MYT1: variants seen among roughly 807,000 people sequenced by gnomAD.
MYT1 encodes the protein myelin transcription factor 1.
MYT1 carries 23 observed loss-of-function variants against 123.0 expected under a neutral mutation model. That is an observed-to-expected ratio of 0.19 (90% CI 0.13 to 0.26). The LOEUF is 0.26. Among genes scored for constraint, MYT1 ranks in the 10% least tolerant of loss-of-function variants. MYT1 has a pLI of 1.00. For synonymous variants in MYT1, 518 were observed against 575.3 expected (o/e 0.90, Z 1.43); for missense variants, 1,125 against 1,472.5 (o/e 0.76, Z 3.86).
chr20:64,194,484 G>GCTCCTGCTGGGGCCAGGACACC (rs1423103619), intron 2 of MYT1, among the ~76,000 whole-genome samples: 5 of 152,370 alleles, frequency 3.3e-5, no homozygotes, highest in Admixed American at 3.3e-4. Flanking sequence ...GGCCAGAACA[G>GCTCCTGCTGGGGCCAGGACACC]CTCCTGCTGG....
Position 64,217,123 on chromosome 20 carries a change from A to G in MYT1, c.1688A>G (p.Asn563Ser), listed in dbSNP as rs760242240. The change falls in exon 11 of 23, where the codon AAC becomes AGC. Residue 563 changes from asparagine (N) to serine (S), a missense_variant. This residue lies in a region of MYT1 where 429 missense variants were observed against 604.1 expected (regional missense o/e 0.71). Coordinates refer to ENST00000328439, the MANE Select transcript of MYT1 (RefSeq NM_004535.3). ...EVPPYGSYRP[N>S]VAPATPRANL... Reference sequence around the variant, plus strand: ...CCTCCATATGGGAGCTACCGGCCCAACGTGGCCCCCGCCACACCCAGGGCC... The same window carrying G: ...CCTCCATATGGGAGCTACCGGCCCAGCGTGGCCCCCGCCACACCCAGGGCC... 12 of 1,614,064 alleles carry G rather than the reference A, an allele frequency of 7.4e-6. No homozygotes were observed. Among genetic ancestry groups the G allele is most frequent in the African/African-American group, 1.3e-5 (1 of 75,052 alleles).
chr20:64,204,847 C>T (rs988192517), intron 4 of MYT1, among the ~76,000 whole-genome samples, 188 bp from the exon 5 acceptor site: 2 of 152,218 alleles, frequency 1.3e-5, no homozygotes, highest in Non-Finnish European at 2.9e-5. Context: ...TAATTGAACA[C>T]TCGTAAAACT....
intron 1 of MYT1, among the ~76,000 whole-genome samples, chr20:64,165,253 T>C (rs1295414593): frequency 2.6e-5 from 4 of 152,054 alleles, no homozygotes; most frequent in African/African-American, 7.2e-5. Flanking sequence ...TTTGTCTGCA[T>C]GTCATGCATT....
chr20:64,228,223 T>G (rs1487920238), intron 18 of MYT1: 7 of 523,392 alleles, frequency 1.3e-5, no homozygotes, highest in Non-Finnish European at 2.0e-5. Flanking sequence ...TTTTCAGGTC[T>G]GGAGTATTTG....
Position 64,218,685 on chromosome 20 carries a change from G to A in MYT1, c.1847-226G>A, listed in dbSNP as rs556888245. 2.0e-5 allele frequency: 12 copies of A among 605,024 alleles called. No homozygotes were observed. Among genetic ancestry groups the A allele is most frequent in the Admixed American group, 2.0e-4 (7 of 35,294 alleles). The allele number at this position is 605,024 out of a possible 1,614,324, so 37.5% of individuals were successfully genotyped here. A position where few individuals can be genotyped will look rare whatever the true frequency, so the allele number is the denominator to read the frequency against. ...GTGTGTGAGGACTTGGGACTGGGAC[G>A]GGTGGCCAAGCCCCTGGCCCACTTC... is the stretch of plus-strand genomic sequence containing the variant. On this transcript the variant is annotated intron_variant, in intron 11 of 22. Coordinates refer to ENST00000328439, the MANE Select transcript of MYT1 (RefSeq NM_004535.3). This position sits in a 1 kb window ranked among gnomAD's most constrained non-coding sequence, Gnocchi z 4.0.
chr20:64,236,265 G>T (rs867857977), intron 19 of MYT1, among the ~76,000 whole-genome samples: 353 of 58,158 alleles, frequency 6.1e-3, no homozygotes, highest in Middle Eastern at 0.014. Flanking sequence ...CTGGGATGGC[G>T]GTGGTGGGTG....
In MYT1 at chr20:64,203,714, G is replaced by A. The variant is rs902277977; in HGVS notation, c.87-1321G>A. Among the ~76,000 whole-genome samples the A allele has an allele frequency of 6.6e-6, 1 of 152,260 alleles. No homozygotes were observed. The highest frequency in any genetic ancestry group is 1.5e-5 in the Non-Finnish European group (1 of 68,048). On this transcript the variant is annotated intron_variant, in intron 4 of 22. Coordinates refer to ENST00000328439, the MANE Select transcript of MYT1 (RefSeq NM_004535.3). This position sits in a 1 kb window ranked among gnomAD's most constrained non-coding sequence, Gnocchi z 5.1. ...GGATTCTGCTGACGGTTCTCCCAGA[G>A]GTAGTCGGGGAGGGTGGCCTGCAAG...
At chr20:64,180,708 C>T (rs929157929) in intron 1 of MYT1, among the ~76,000 whole-genome samples, 15 of 152,346 alleles carry the variant, frequency 9.8e-5, no homozygotes, top group Middle Eastern at 3.4e-3. Flanking sequence ...CAGAACTGGA[C>T]CTTTTCGGAC....
At chr20:64,169,160 C>T (rs564718245) in intron 1 of MYT1, among the ~76,000 whole-genome samples, 1 of 152,282 alleles carries the variant, frequency 6.6e-6, no homozygotes, top group African/African-American at 2.4e-5. Flanking sequence ...CTGCCAGTGG[C>T]TGACCTGTCC....
In MYT1 at chr20:64,201,764, G is replaced by A. The variant is rs548228444; in HGVS notation, c.86+1842G>A. On this transcript the variant is annotated intron_variant, in intron 4 of 22. Coordinates refer to ENST00000328439, the MANE Select transcript of MYT1 (RefSeq NM_004535.3). ...CCTCTGTCCTGGTGGGGGCCACACC[G>A]TGGGTACCAGAACAGGAAGCATGAC... Among the ~76,000 whole-genome samples the A allele has an allele frequency of 9.8e-5, 15 of 152,340 alleles. No individual in the cohort carries two copies. The South Asian group carries it at 2.5e-3, about 25-fold the overall frequency.
At chr20:64,179,663 CT>C (rs1982581520) in intron 1 of MYT1, among the ~76,000 whole-genome samples, 1 of 152,032 alleles carries the variant, frequency 6.6e-6, no homozygotes, top group African/African-American at 2.4e-5. Context: ...TCCAGCTCCC[CT>C]GTCCTTTCTT....
chr20:64,177,583 G>A (rs1245755034), intron 1 of MYT1, among the ~76,000 whole-genome samples: 5 of 151,902 alleles, frequency 3.3e-5, no homozygotes, highest in Middle Eastern at 3.4e-3. Context: ...GGACAAGAGG[G>A]CACCCCTCTC....
chr20:64,234,835 TGTGGTGGGTGACCCTGGGCTGGCC>T (rs1984453872), intron 19 of MYT1, among the ~76,000 whole-genome samples: 2 of 84,110 alleles, frequency 2.4e-5, no homozygotes, highest in East Asian at 4.3e-4. Flanking sequence ...CCGAGCTGGC[TGTGGTGGGTGACCCTGGGCTGGCC>T]GTGGTGGGTG....
intron 1 of MYT1, among the ~76,000 whole-genome samples, chr20:64,181,680 C>T (rs1425422308): frequency 6.6e-6 from 1 of 152,158 alleles, no homozygotes; most frequent in Non-Finnish European, 1.5e-5. Flanking sequence ...GAAGGAGCCT[C>T]CTGAAACACT....
chr20:64,170,898 GA>G (rs1982251381), intron 1 of MYT1, among the ~76,000 whole-genome samples: 1 of 98,244 alleles, frequency 1.0e-5, no homozygotes, highest in Non-Finnish European at 2.0e-5. Flanking sequence ...GAGAGAGAGA[GA>G]GAGAGAGAGA....
rs759560905 is a variant in MYT1 at position 64,218,864 on chromosome 20, C to A, written c.1847-47C>A. On this transcript the variant is annotated intron_variant, in intron 11 of 22. Transcript: ENST00000328439. The surrounding 1 kb of genome is among the most constrained non-coding windows in gnomAD (Gnocchi z 4.0). ...TCCCAAAGGCCTCTTCCCCCAGGCACAGCCCCTCCAGTAGTTATGTGAGGA... is the reference window on the plus strand; with the variant it reads ...TCCCAAAGGCCTCTTCCCCCAGGCAAAGCCCCTCCAGTAGTTATGTGAGGA... The A allele has an allele frequency of 3.1e-6, 5 of 1,611,992 alleles. No homozygotes were observed. The highest frequency in any genetic ancestry group is 4.2e-6 in the Non-Finnish European group (5 of 1,179,908).
chr20:64,181,385 C>T (rs749955161), intron 1 of MYT1, among the ~76,000 whole-genome samples: 27 of 152,250 alleles, frequency 1.8e-4, no homozygotes, highest in Non-Finnish European at 2.9e-4. Flanking sequence ...GCGTTTCCTC[C>T]GTCTCTGCTA....
At chr20:64,187,253 T>G in intron 1 of MYT1, among the ~76,000 whole-genome samples, 1 of 144,918 alleles carries the variant, frequency 6.9e-6, no homozygotes, top group Non-Finnish European at 1.5e-5. Context: ...AGACTTTTCC[T>G]GTAGCCTGTG....
At chr20:64,198,201 G>A (rs200658156) in intron 2 of MYT1, among the ~76,000 whole-genome samples, 1 of 150,930 alleles carries the variant, frequency 6.6e-6, no homozygotes, top group Non-Finnish European at 1.5e-5. Flanking sequence ...GCAGGAGAAT[G>A]GCGTGAACCC....
Sources: allele counts gnomAD v4.1 joint callset (sites outside exome capture counted in the v4.1 genomes callset), GRCh38; gene constraint gnomAD v4.1.1; regional missense constraint gnomAD v4.1.1; non-coding constraint Gnocchi (gnomAD v3.1); transcripts MANE v1.5; gene names NCBI Gene and HGNC (gene_info 2026-07-23, HGNC 2026-07-21).